The following PCNX1 variants were observed in gnomAD, a reference collection of about 807,000 sequenced individuals.
The protein encoded by PCNX1 is pecanex-like protein 1.
A neutral mutation model predicts 242.2 loss-of-function variants in PCNX1; 78 were observed. The observed-to-expected ratio is 0.32, with a 90% CI of 0.27 to 0.39. The LOEUF (loss-of-function observed/expected upper bound fraction) is 0.39, where lower values mean the gene tolerates loss of function less well. Ranked by LOEUF, PCNX1 falls within the 10% of genes least tolerant of loss-of-function variation. The pLI is 1.00. For synonymous variants in PCNX1, 1,024 were observed against 1,032.9 expected (o/e 0.99, Z 0.17); for missense variants, 2,581 against 2,856.5 (o/e 0.90, Z 2.20).
At chr14:71,066,896 T>C (rs1418331800) in intron 26 of PCNX1, among the ~76,000 whole-genome samples, 1 of 152,206 alleles carries the variant, frequency 6.6e-6, no homozygotes, top group Non-Finnish European at 1.5e-5. Context: ...GTTCTGTTTA[T>C]GTGATGGATT....
intron 25 of PCNX1, 39 bp from the exon 26 acceptor site, chr14:71,057,470 A>C (rs2061214106): frequency 7.6e-7 from 1 of 1,311,024 alleles, no homozygotes; most frequent in African/African-American, 1.5e-5. Context: ...AAGAGGACTT[A>C]AGGTTAAATT....
chr14:71,109,630 C>G (rs751994922), intron 35 of PCNX1, 38 bp downstream of exon 35: 6 of 1,611,882 alleles, frequency 3.7e-6, no homozygotes, highest in Non-Finnish European at 5.1e-6. Flanking sequence ...GGGGCTCTGC[C>G]TTTTTTGAAG....
At chr14:71,057,837 G>A (rs548336135) in intron 26 of PCNX1, 113 bp downstream of exon 26, 18 of 765,258 alleles carry the variant, frequency 2.4e-5, no homozygotes, top group Non-Finnish European at 3.3e-5. Flanking sequence ...TGGGATTGTG[G>A]AATGAGAAAA....
Position 71,017,687 on chromosome 14 carries a change from A to G in PCNX1, c.2997-1322A>G, listed in dbSNP as rs78998812. ...ATTGAAAATCCTTAAAAATCCAAAGACAAGACATGTTCAATGACAAGGGAG... is the reference window on the plus strand; with the variant it reads ...ATTGAAAATCCTTAAAAATCCAAAGGCAAGACATGTTCAATGACAAGGGAG... On this transcript the variant is annotated intron_variant, in intron 11 of 35. Coordinates refer to ENST00000304743, the MANE Select transcript of PCNX1 (RefSeq NM_014982.3). Among the ~76,000 whole-genome samples, 1,366 of 152,336 alleles carry G rather than the reference A, an allele frequency of 9.0e-3. 10 individuals are homozygous for G. Among genetic ancestry groups the G allele is most frequent in the Non-Finnish European group, 0.012 (842 of 68,026 alleles).
intron 5 of PCNX1, among the ~76,000 whole-genome samples, chr14:70,974,059 A>C (rs1257512146): frequency 2.7e-5 from 4 of 149,764 alleles, no homozygotes; most frequent in Non-Finnish European, 5.9e-5. Context: ...ACACAATTAT[A>C]TGTGGTTTTT....
At chr14:71,109,762 G>A (rs1224754796) in intron 35 of PCNX1, 33 bp from the exon 36 acceptor site, 10 of 1,611,652 alleles carry the variant, frequency 6.2e-6, no homozygotes, top group African/African-American at 5.3e-5. Flanking sequence ...CAGGTCTCCA[G>A]TGCTAACTTC....
chr14:71,039,831 GTGT>G (rs2060654425), intron 19 of PCNX1, among the ~76,000 whole-genome samples: 1 of 152,112 alleles, frequency 6.6e-6, no homozygotes, highest in African/African-American at 2.4e-5. Context: ...GGCTTCTTAG[GTGT>G]TGTTCCTTAA....
Position 70,977,277 on chromosome 14 carries a change from A to G in PCNX1, c.940A>G (p.Ser314Gly). 6.2e-7 allele frequency: 1 copy of G among 1,614,198 alleles called. No individual in the cohort carries two copies. The highest frequency in any genetic ancestry group is 8.5e-7 in the Non-Finnish European group (1 of 1,180,012). ...GCAAAGACGTGGATTAGATCCAGTTAGTGAGTTAGAATCTTCCAAGCCTCT... is the reference window on the plus strand; with the variant it reads ...GCAAAGACGTGGATTAGATCCAGTTGGTGAGTTAGAATCTTCCAAGCCTCT... ...YQQRRGLDPV[S>G]ELESSKPLSG... The change falls in exon 6 of 36, where the codon AGT becomes GGT. Residue 314 changes from serine to glycine, a missense_variant. Around this residue, in one of 9 missense-constraint regions of PCNX1, gnomAD observed 1,204 missense variants for 1,216.7 expected, o/e 0.99. Transcript: ENST00000304743.
intron 12 of PCNX1, among the ~76,000 whole-genome samples, chr14:71,022,225 A>C (rs2060123364): frequency 6.6e-6 from 1 of 152,154 alleles, no homozygotes; most frequent in Admixed American, 6.6e-5. Flanking sequence ...TCAGTCTTGC[A>C]CTATACCTTT....
Position 71,110,008 on chromosome 14 carries a change from A to G in PCNX1, c.*73A>G, listed in dbSNP as rs757052607. 5.3e-6 allele frequency: 7 copies of G among 1,310,712 alleles called. No individual in the cohort carries two copies. The African/African-American group carries it at 5.8e-5, about 11-fold the overall frequency. The allele number at this position is 1,310,712 out of a possible 1,614,324, so 81.2% of individuals were successfully genotyped here. On this transcript the variant is annotated 3_prime_UTR_variant, in exon 36 of 36. Transcript: ENST00000304743. ...GCATTGGAAAAAGAGAGGAACAAGC[A>G]GAAGATGCCTGCAGGTATCACTTTG...
chr14:71,104,917 C>G (rs1430076394), intron 32 of PCNX1, among the ~76,000 whole-genome samples: 1 of 141,460 alleles, frequency 7.1e-6, no homozygotes, highest in South Asian at 2.2e-4. Flanking sequence ...AGCGAGACTC[C>G]GTCTCAAAAA....
In PCNX1 at chr14:71,112,707, T is replaced by C. The variant is rs2062776963; in HGVS notation, c.*2772T>C. ...GTTATGTACAAGACTTCAGCATACA[T>C]TAATGTCTTTAGTTTATAAATTTGC... is the stretch of plus-strand genomic sequence containing the variant. On this transcript the variant is annotated 3_prime_UTR_variant, in exon 36 of 36. Transcript: ENST00000304743. The C allele has an allele frequency of 6.6e-6, 1 of 152,190 alleles. No individual in the cohort carries two copies. Among genetic ancestry groups the C allele is most frequent in the South Asian group, 2.1e-4 (1 of 4,836 alleles). The allele number at this position is 152,190 out of a possible 1,614,324, so 9.4% of individuals were successfully genotyped here. A position where few individuals can be genotyped will look rare whatever the true frequency, so the allele number is the denominator to read the frequency against.
chr14:70,989,342 C>G (rs912375426), intron 7 of PCNX1, among the ~76,000 whole-genome samples: 5 of 151,654 alleles, frequency 3.3e-5, no homozygotes, highest in African/African-American at 1.2e-4. Context: ...AACATCATTA[C>G]TTTTTCCAGT....
At chr14:71,109,324 T>C in intron 34 of PCNX1, 128 bp from the exon 35 acceptor site, 1 of 901,942 alleles carries the variant, frequency 1.1e-6, no homozygotes, top group Non-Finnish European at 1.7e-6. Context: ...CTCTTAAGAT[T>C]TTTTTTTTAT....
chr14:70,921,023 G>A (rs565853709), intron 1 of PCNX1, among the ~76,000 whole-genome samples: 1 of 152,212 alleles, frequency 6.6e-6, no homozygotes, highest in South Asian at 2.1e-4. Flanking sequence ...TGGATGTAGT[G>A]TTTTGCTCTG....
At chr14:70,923,400 G>C (rs1177405070) in intron 1 of PCNX1, among the ~76,000 whole-genome samples, 1 of 152,046 alleles carries the variant, frequency 6.6e-6, no homozygotes, top group Non-Finnish European at 1.5e-5. Context: ...ATCTATTAAA[G>C]ATTTTTTTAA....
intron 5 of PCNX1, 120 bp from the exon 6 acceptor site, chr14:70,976,822 A>C: frequency 2.4e-6 from 2 of 825,560 alleles, no homozygotes; most frequent in Non-Finnish European, 3.8e-6. Flanking sequence ...TCTTTGGAGA[A>C]CTACTTGAGA....
chr14:71,062,623 T>G (rs1244804749), intron 26 of PCNX1, among the ~76,000 whole-genome samples: 2 of 152,064 alleles, frequency 1.3e-5, no homozygotes, highest in Non-Finnish European at 1.5e-5. Flanking sequence ...TTAAAAAAAT[T>G]GAAAGTTTAT....
chr14:71,007,527 T>G (rs557555212), intron 8 of PCNX1, among the ~76,000 whole-genome samples: 1 of 152,190 alleles, frequency 6.6e-6, no homozygotes, highest in Admixed American at 6.5e-5. Flanking sequence ...AATACATTTA[T>G]GCATTCTGTT....
Sources: gnomAD v4.1 joint callset for allele counts (sites outside exome capture counted in the v4.1 genomes callset) on GRCh38, gnomAD v4.1.1 for gene constraint, gnomAD v4.1.1 regional missense constraint, MANE v1.5 for transcripts, NCBI Gene and HGNC (gene_info 2026-07-23, HGNC 2026-07-21) for gene names.